CCDC85C: variants seen among roughly 807,000 people sequenced by gnomAD.
CCDC85C encodes coiled-coil domain-containing protein 85C.
Under a neutral mutation model 38.3 loss-of-function variants are expected in CCDC85C, and 18 were observed. That is an observed-to-expected ratio of 0.47 (90% confidence interval 0.33 to 0.70). The LOEUF is 0.70. Among genes scored for constraint, CCDC85C ranks in the 30% least tolerant of loss-of-function variants. The pLI, the probability that CCDC85C is intolerant of heterozygous loss-of-function variation, is 0.03. For synonymous variants in CCDC85C, 264 were observed against 293.8 expected, an observed-to-expected ratio of 0.90 and a Z score of 1.04; for missense variants, 566 against 621.2, an observed-to-expected ratio of 0.91 and a Z score of 0.94.
Position 99,603,043 on chromosome 14 carries a change from G to A in CCDC85C, c.793+124C>T. ...ATCCCCTGGCCCAGGATCCATGACA[G>A]CTGGAGGAGTCTGGAGTGGCGGCCG... On this transcript the variant is annotated intron_variant, in intron 1 of 5. Transcript: ENST00000380243. The surrounding 1 kb of genome is among the most constrained non-coding windows in gnomAD (Gnocchi z 7.5). 1.7e-6 allele frequency: 2 copies of A among 1,190,186 alleles called. No individual in the cohort carries two copies. Among genetic ancestry groups the A allele is most frequent in the Non-Finnish European group, 2.1e-6 (2 of 943,668 alleles). The allele number at this position is 1,190,186 out of a possible 1,614,324, so 73.7% of individuals were successfully genotyped here. A position where few individuals can be genotyped will look rare whatever the true frequency, so the allele number is the denominator to read the frequency against.
Position 99,603,309 on chromosome 14 carries a change from G to T in CCDC85C, c.651C>A (p.Pro217=). Residue 217 remains proline, a synonymous_variant, in exon 1 of 6, where the codon CCC becomes CCA. Coordinates refer to ENST00000380243, the MANE Select transcript of CCDC85C (RefSeq NM_001144995.2). The surrounding 1 kb of genome is among the most constrained non-coding windows in gnomAD (Gnocchi z 7.5). The part of the protein sequence containing the change: ...STSSAGSGGS[P]DHHHHVPPPL... ...GGGGTGGGACGTGGTGGTGGTGGTC[G>T]GGGCTGCCGCCGCTGCCCGCGCTGG... 7.4e-7 allele frequency: 1 copy of T among 1,355,288 alleles called. No homozygotes were observed. Among genetic ancestry groups the T allele is most frequent in the Non-Finnish European group, 9.5e-7 (1 of 1,058,124 alleles). The allele number at this position is 1,355,288 out of a possible 1,614,324, so 84.0% of individuals were successfully genotyped here.
Position 99,558,880 on chromosome 14 carries a change from C to T in CCDC85C, c.794-22792G>A, listed in dbSNP as rs1255302279. Reference sequence around the variant, plus strand: ...GGAGGTGGGGCCTGGAGGGAGGTGACCGGATCATCCGGGTGGTTTCTGATG... The same window carrying T: ...GGAGGTGGGGCCTGGAGGGAGGTGATCGGATCATCCGGGTGGTTTCTGATG... On this transcript the variant is annotated intron_variant, in intron 1 of 5. Transcript: ENST00000380243. This position sits in a 1 kb window ranked among gnomAD's most constrained non-coding sequence, Gnocchi z 4.2. 6.6e-6 allele frequency among the ~76,000 whole-genome samples: 1 copy of T among 152,118 alleles called. No homozygotes were observed. The highest frequency in any genetic ancestry group is 2.4e-5 in the African/African-American group (1 of 41,428).
intron 1 of CCDC85C, among the ~76,000 whole-genome samples, chr14:99,584,307 G>C (rs1448726194): frequency 1.3e-5 from 2 of 152,168 alleles, no homozygotes; most frequent in Admixed American, 6.5e-5. Flanking sequence ...TTTAGGGGCA[G>C]TGATTCTCTG....
In CCDC85C at chr14:99,510,628, T is replaced by TC. The variant is rs1897106634; in HGVS notation, c.*4617dup. 1 of 1,260,318 alleles carries TC rather than the reference T, an allele frequency of 7.9e-7. No homozygotes were observed. The highest frequency in any genetic ancestry group is 1.0e-6 in the Non-Finnish European group (1 of 983,604). The allele number at this position is 1,260,318 out of a possible 1,614,324, so 78.1% of individuals were successfully genotyped here. ...CCACGCCTCCCGCCTACCCACGCAG[T>TC]CCCCCCTCATCCTCCTCCAGGGTTG... On this transcript the variant is annotated 3_prime_UTR_variant, in exon 6 of 6. Transcript: ENST00000380243.
intron 1 of CCDC85C, among the ~76,000 whole-genome samples, chr14:99,591,734 CTT>C (rs66657278): frequency 9.2e-5 from 12 of 130,442 alleles, no homozygotes; most frequent in Admixed American, 3.2e-4. Context: ...GGTTTCTTTT[CTT>C]TTTTTTTTTT....
In CCDC85C at chr14:99,500,249, C is replaced by T. The variant is rs1896790541; in HGVS notation, c.*14997G>A. The T allele has an allele frequency of 6.6e-6, 1 of 152,128 alleles. No homozygotes were observed. Among genetic ancestry groups the T allele is most frequent in the South Asian group, 2.1e-4 (1 of 4,812 alleles). The allele number at this position is 152,128 out of a possible 1,614,324, so 9.4% of individuals were successfully genotyped here. On this transcript the variant is annotated 3_prime_UTR_variant, in exon 6 of 6. Transcript: ENST00000380243. ...GATTTAAACACAAAATTGATTTGCC[C>T]CCATTTGCACGTAATACACTATATG... is the stretch of plus-strand genomic sequence containing the variant.
rs7143564 is a variant in CCDC85C, at chr14:99,572,676, G to A, written c.793+30491C>T. The A allele has an allele frequency of 0.035, 16,182 of 455,888 alleles. 2,037 individuals are homozygous for A. The highest frequency in any genetic ancestry group is 0.28 in the African/African-American group (14,247 of 50,082). 28.2% of individuals were successfully genotyped at this position (455,888 alleles called of 1,614,324 possible). A position where few individuals can be genotyped will look rare whatever the true frequency, so the allele number is the denominator to read the frequency against. ...AGGTGACCTGGCCCCTCCTTAAGAGGCCTCCCCTGCCACCATCTGTTTTCT... is the reference window on the plus strand; with the variant it reads ...AGGTGACCTGGCCCCTCCTTAAGAGACCTCCCCTGCCACCATCTGTTTTCT... On this transcript the variant is annotated intron_variant, in intron 1 of 5. Transcript: ENST00000380243. The surrounding 1 kb of genome is among the most constrained non-coding windows in gnomAD (Gnocchi z 4.4).
chr14:99,546,039 G>A (rs1051657103), intron 1 of CCDC85C, among the ~76,000 whole-genome samples: 6 of 149,404 alleles, frequency 4.0e-5, no homozygotes, highest in South Asian at 2.1e-4. Flanking sequence ...AACTAATCGC[G>A]CAGGACTGAA....
chr14:99,595,513 C>T (rs1595109131), intron 1 of CCDC85C, among the ~76,000 whole-genome samples: 1 of 152,176 alleles, frequency 6.6e-6, no homozygotes, highest in South Asian at 2.1e-4. Flanking sequence ...GTTCTTTCTG[C>T]GAAGCCTGGT....
At chr14:99,521,022 G>C (rs1045566057) in intron 3 of CCDC85C, among the ~76,000 whole-genome samples, 3 of 152,240 alleles carry the variant, frequency 2.0e-5, no homozygotes, top group Non-Finnish European at 2.9e-5. Flanking sequence ...GTACATGTGA[G>C]AGCTGTGCTT....
intron 2 of CCDC85C, among the ~76,000 whole-genome samples, chr14:99,527,944 C>T (rs544869941): frequency 2.4e-4 from 36 of 152,224 alleles, no homozygotes; most frequent in Non-Finnish European, 4.7e-4. Context: ...GCTCACACCA[C>T]GGAGAGCCCT....
chr14:99,551,663 GAGGTGGGTGTGC>G (rs1302028884), intron 1 of CCDC85C, among the ~76,000 whole-genome samples: 2 of 146,738 alleles, frequency 1.4e-5, no homozygotes, highest in South Asian at 2.2e-4. Flanking sequence ...AGGTGGGTGA[GAGGTGGGTGTGC>G]AGGTGGGTGA....
At chr14:99,536,138 C>A (rs1897593369) in intron 1 of CCDC85C, 50 bp from the exon 2 acceptor site, 1 of 1,260,590 alleles carries the variant, frequency 7.9e-7, no homozygotes, top group Non-Finnish European at 1.1e-6. Context: ...CAGACTCCAT[C>A]CCCATTGCGC....
At chr14:99,586,885 C>T (rs946315698) in intron 1 of CCDC85C, among the ~76,000 whole-genome samples, 2 of 152,224 alleles carry the variant, frequency 1.3e-5, no homozygotes, top group Admixed American at 6.5e-5. Flanking sequence ...TCCCACCAGG[C>T]GGCCTCAGGG....
chr14:99,580,016 C>A (rs1323630156), intron 1 of CCDC85C: 3 of 455,628 alleles, frequency 6.6e-6, no homozygotes, highest in Non-Finnish European at 1.3e-5. Flanking sequence ...ACATACCCCA[C>A]ATACCCCGGA....
chr14:99,572,703 C>T lies in CCDC85C; in HGVS notation c.793+30464G>A, dbSNP rs1200145718. ...CTCCCCTGCCACCATCTGTTTTCTG[C>T]TCTTCCTAGCACTCACCAGGATATG... On this transcript the variant is annotated intron_variant, in intron 1 of 5. Transcript: ENST00000380243. This position sits in a 1 kb window ranked among gnomAD's most constrained non-coding sequence, Gnocchi z 4.4. 2 of 455,978 alleles carry T rather than the reference C, an allele frequency of 4.4e-6. No individual in the cohort carries two copies. Among genetic ancestry groups the T allele is most frequent in the African/African-American group, 4.0e-5 (2 of 50,078 alleles). 28.2% of individuals were successfully genotyped at this position (455,978 alleles called of 1,614,324 possible). A position where few individuals can be genotyped will look rare whatever the true frequency, so the allele number is the denominator to read the frequency against.
At position 99,501,519 on chromosome 14, in the gene CCDC85C, G is replaced by C. The variant is rs1327614878; in HGVS notation, c.*13727C>G. Reference sequence around the variant, plus strand: ...ATTTTGTGTCAGAAGAAACTGACTTGCCCTGGCTTGAGGAGCCAGTTAATG... The same window carrying C: ...ATTTTGTGTCAGAAGAAACTGACTTCCCCTGGCTTGAGGAGCCAGTTAATG... On this transcript the variant is annotated 3_prime_UTR_variant, in exon 6 of 6. Coordinates refer to ENST00000380243, the MANE Select transcript of CCDC85C (RefSeq NM_001144995.2). 1.1e-5 allele frequency: 9 copies of C among 809,318 alleles called. No homozygotes were observed. The highest frequency in any genetic ancestry group is 1.8e-5 in the Non-Finnish European group (9 of 493,858). The allele number at this position is 809,318 out of a possible 1,614,324, so 50.1% of individuals were successfully genotyped here.
rs919228841 is a variant in CCDC85C, at chr14:99,503,517, G to A, written c.*11729C>T. The A allele has an allele frequency of 1.3e-5, 14 of 1,077,542 alleles. No homozygotes were observed. The African/African-American group carries it at 1.6e-4, about 12-fold the overall frequency. 66.7% of individuals were successfully genotyped at this position (1,077,542 alleles called of 1,614,324 possible). On this transcript the variant is annotated 3_prime_UTR_variant, in exon 6 of 6. Transcript: ENST00000380243. ...TTGTCCGAGGCTGTTCACAGTGACTGCCGTCGCTGATTCTGGTGGTACCTG... is the reference window on the plus strand; with the variant it reads ...TTGTCCGAGGCTGTTCACAGTGACTACCGTCGCTGATTCTGGTGGTACCTG...
At chr14:99,564,646 C>G (rs1898180543) in intron 1 of CCDC85C, among the ~76,000 whole-genome samples, 1 of 152,232 alleles carries the variant, frequency 6.6e-6, no homozygotes, top group South Asian at 2.1e-4. Flanking sequence ...GAGGGCCTGT[C>G]ATGCAGTCCC....
Sources: allele counts gnomAD v4.1 joint callset (sites outside exome capture counted in the v4.1 genomes callset), GRCh38; gene constraint gnomAD v4.1.1; non-coding constraint Gnocchi (gnomAD v3.1); transcripts MANE v1.5; gene names NCBI Gene and HGNC (gene_info 2026-07-23, HGNC 2026-07-21).